The following MYO1D variants were observed in gnomAD, a reference collection of about 807,000 sequenced individuals.
MYO1D encodes unconventional myosin-Id.
In MYO1D, 83 loss-of-function variants were observed where a neutral mutation model predicts 122.0. The observed-to-expected ratio is 0.68, with a 90% confidence interval of 0.57 to 0.82. The LOEUF (loss-of-function observed/expected upper bound fraction) is 0.82. MYO1D is among the 40% of genes least tolerant of loss of function. The pLI, the probability that MYO1D is intolerant of heterozygous loss-of-function variation, is 0.00. For synonymous variants in MYO1D, 464 were observed against 446.9 expected (o/e 1.04, Z -0.48); for missense variants, 1,157 against 1,269.5 (o/e 0.91, Z 1.35).
At chr17:32,787,324 G>A (rs1212247001) in intron 1 of MYO1D, among the ~76,000 whole-genome samples, 3 of 152,002 alleles carry the variant, frequency 2.0e-5, no homozygotes, top group Admixed American at 6.6e-5. Context: ...TGGAACAGGT[G>A]GGTTTTGTTT....
chr17:32,618,601 G>A (rs1186179907), intron 20 of MYO1D, among the ~76,000 whole-genome samples: 1 of 151,650 alleles, frequency 6.6e-6, no homozygotes, highest in Non-Finnish European at 1.5e-5. Context: ...AGGAAGCTGG[G>A]CCTCCCATAG....
At chr17:32,549,884 A>C (rs1454938303) in intron 21 of MYO1D, among the ~76,000 whole-genome samples, 1 of 152,224 alleles carries the variant, frequency 6.6e-6, no homozygotes, top group Non-Finnish European at 1.5e-5. Flanking sequence ...CCCAGGATCA[A>C]TACTTTGCAT....
At chr17:32,772,677 CG>C in intron 5 of MYO1D, 111 bp downstream of exon 5, 1 of 859,286 alleles carries the variant, frequency 1.2e-6, no homozygotes, top group Non-Finnish European at 2.0e-6. Flanking sequence ...TGACATGTTA[CG>C]GGGCCAATGG....
At chr17:32,547,323 C>T (rs942042390) in intron 21 of MYO1D, among the ~76,000 whole-genome samples, 4 of 152,128 alleles carry the variant, frequency 2.6e-5, no homozygotes, top group African/African-American at 4.8e-5. Flanking sequence ...CCAGACACAG[C>T]GGCAGGCAAT....
chr17:32,509,242 A>C (rs1909602641), intron 21 of MYO1D, among the ~76,000 whole-genome samples: 1 of 152,240 alleles, frequency 6.6e-6, no homozygotes, highest in East Asian at 1.9e-4. Context: ...AAGAGGCACT[A>C]GGGACACTCA....
At chr17:32,686,045 A>G (rs2089000869) in intron 16 of MYO1D, among the ~76,000 whole-genome samples, 1 of 152,190 alleles carries the variant, frequency 6.6e-6, no homozygotes, top group Admixed American at 6.5e-5. Flanking sequence ...ATTAGCCAAA[A>G]TAGCCAACTG....
chr17:32,681,595 G>C (rs2088918299), intron 16 of MYO1D, among the ~76,000 whole-genome samples: 1 of 152,040 alleles, frequency 6.6e-6, no homozygotes, highest in Admixed American at 6.6e-5. Context: ...GTTCTAGTTT[G>C]ATTGCACTGT....
At chr17:32,770,312 C>T (rs1488956625) in intron 6 of MYO1D, among the ~76,000 whole-genome samples, 1 of 151,936 alleles carries the variant, frequency 6.6e-6, no homozygotes, top group East Asian at 1.9e-4. Context: ...TTTTATTTCT[C>T]CCCCAAATAT....
intron 1 of MYO1D, among the ~76,000 whole-genome samples, chr17:32,791,081 G>C (rs115836922): frequency 0.015 from 2,210 of 152,144 alleles, 44 homozygotes; most frequent in African/African-American, 0.048. Context: ...TGTCAGTAAT[G>C]AGCTGGGCAT....
intron 20 of MYO1D, among the ~76,000 whole-genome samples, chr17:32,630,574 T>C (rs1016411752): frequency 6.6e-6 from 1 of 151,874 alleles, no homozygotes; most frequent in Non-Finnish European, 1.5e-5. Flanking sequence ...GTAGAGTTGT[T>C]CCTCCTTTTT....
intron 21 of MYO1D, among the ~76,000 whole-genome samples, chr17:32,548,207 C>T (rs1422246384): frequency 6.6e-6 from 1 of 151,748 alleles, no homozygotes; most frequent in Non-Finnish European, 1.5e-5. Flanking sequence ...TGCTTGAGCC[C>T]AGGAGTTGGA....
Position 32,638,783 on chromosome 17 carries a change from T to G in MYO1D, c.2648A>C (p.His883Pro). The G allele has an allele frequency of 6.2e-7, 1 of 1,613,946 alleles. No homozygotes were observed. Residue 883 changes from histidine (H) to proline (P), a missense_variant, in exon 20 of 22, where the codon CAC becomes CCC. By Grantham distance (77) the His-to-Pro change is moderately conservative. Transcript: ENST00000318217. The stretch of plus-strand genomic sequence containing the variant: ...TTTAGTGGGATCCATTTTATACAGG[T>G]GACGGTCAGTGACAAAAATTGCTCT... ...EDRAIFVTDRHLYKMDPTKQY... is the reference protein window; with the variant it reads ...EDRAIFVTDRPLYKMDPTKQY...
chr17:32,677,886 T>A (rs941827827), intron 16 of MYO1D, among the ~76,000 whole-genome samples: 1 of 152,148 alleles, frequency 6.6e-6, no homozygotes, highest in African/African-American at 2.4e-5. Flanking sequence ...TTGTCTTTTT[T>A]AATTCATCTC....
intron 16 of MYO1D, among the ~76,000 whole-genome samples, chr17:32,707,748 T>C (rs1352783172): frequency 1.3e-5 from 2 of 152,254 alleles, no homozygotes; most frequent in Non-Finnish European, 2.9e-5. Context: ...ATAATGTAGA[T>C]TGTGCTGAAT....
intron 1 of MYO1D, among the ~76,000 whole-genome samples, chr17:32,866,105 C>A (rs1166586980): frequency 6.6e-6 from 1 of 152,098 alleles, no homozygotes; most frequent in Non-Finnish European, 1.5e-5. Flanking sequence ...TAGTGTCAAA[C>A]CCATAGGCTT....
intron 1 of MYO1D, among the ~76,000 whole-genome samples, chr17:32,799,328 C>T (rs2090442377): frequency 6.6e-6 from 1 of 152,060 alleles, no homozygotes; most frequent in Non-Finnish European, 1.5e-5. Context: ...GATTGGTTGC[C>T]AATTTAAGAC....
chr17:32,852,069 G>A (rs931440526), intron 1 of MYO1D, among the ~76,000 whole-genome samples: 9 of 152,164 alleles, frequency 5.9e-5, no homozygotes, highest in Non-Finnish European at 1.2e-4. Context: ...TCAAATGTTA[G>A]AACTGTCTGC....
chr17:32,645,313 T>C (rs1333442302), intron 19 of MYO1D, among the ~76,000 whole-genome samples: 1 of 152,218 alleles, frequency 6.6e-6, no homozygotes, highest in East Asian at 1.9e-4. Context: ...CCTTTGTGGG[T>C]AACCCGAGGG....
rs780893251 is a variant in MYO1D at position 32,653,851 on chromosome 17, C to T, written c.2587G>A (p.Val863Ile). ...GTTTAAGCTTGCCTTACCTTACGGA[C>T]GTGACAGGAAAAGAGGACATTCATG... ...KYMNVLFSCH[V>I]RKVNRFSKVE... is the part of the protein sequence containing the mutation. The change falls in exon 19 of 22, where the codon GTC becomes ATC. Residue 863 changes from valine to isoleucine, a missense_variant. Coordinates refer to ENST00000318217, the MANE Select transcript of MYO1D (RefSeq NM_015194.3). 20 of 1,612,822 alleles carry T rather than the reference C, an allele frequency of 1.2e-5. No individual in the cohort carries two copies. The highest frequency in any genetic ancestry group is 5.5e-5 in the South Asian group (5 of 91,020).
Sources: gnomAD v4.1 joint callset for allele counts (sites outside exome capture counted in the v4.1 genomes callset) on GRCh38, gnomAD v4.1.1 for gene constraint, MANE v1.5 for transcripts, NCBI Gene and HGNC (gene_info 2026-07-23, HGNC 2026-07-21) for gene names.